The following ZNF714 variants were observed in gnomAD, a reference collection of about 807,000 sequenced individuals.
ZNF714 encodes the protein zinc finger protein 714.
ZNF714 carries 32 observed loss-of-function variants against 46.2 expected under a neutral mutation model. That is an observed-to-expected ratio of 0.69 (90% confidence interval 0.52 to 0.93). The LOEUF (loss-of-function observed/expected upper bound fraction) is 0.93, where lower values mean the gene tolerates loss of function less well. Ranked by LOEUF, ZNF714 falls within the 40% of genes least tolerant of loss-of-function variation. The pLI is 0.00. For synonymous variants in ZNF714, 199 were observed against 213.1 expected (o/e 0.93, Z 0.58); for missense variants, 635 against 646.3 (o/e 0.98, Z 0.19).
chr19:21,097,135 G>T (rs1205930295), intron 2 of ZNF714, among the ~76,000 whole-genome samples: 3 of 152,082 alleles, frequency 2.0e-5, no homozygotes, highest in Non-Finnish European at 4.4e-5. Context: ...CAAAGTGCTG[G>T]GATTACAGGT....
chr19:21,092,526 T>G (rs1177106169), intron 2 of ZNF714, among the ~76,000 whole-genome samples: 4 of 152,142 alleles, frequency 2.6e-5, no homozygotes, highest in Non-Finnish European at 5.9e-5. Context: ...CCACTATCTG[T>G]AAAACAAAAA....
In ZNF714 at chr19:21,099,303, GGGTAGCTGA is replaced by G. The variant is rs1321179421; in HGVS notation, c.142+395_142+403del. Among the ~76,000 whole-genome samples, 3 of 151,878 alleles carry G rather than the reference GGGTAGCTGA, an allele frequency of 2.0e-5. No homozygotes were observed. In the East Asian group the frequency reaches 5.8e-4, roughly 29 times the overall value. ...GACGATTTTCCTGCCTCAGTCTCCT[GGGTAGCTGA>G]GATTACAGGCGCCTGCCACCACACC... On this transcript the variant is annotated intron_variant, in intron 4 of 4. Transcript: ENST00000456283.
chr19:21,103,541 A>G (rs1284420353), intron 4 of ZNF714, among the ~76,000 whole-genome samples: 1 of 152,162 alleles, frequency 6.6e-6, no homozygotes, highest in Non-Finnish European at 1.5e-5. Context: ...TGACAGAGCG[A>G]GATTATGTCT....
intron 4 of ZNF714, chr19:21,113,356 TTTTG>T (rs56718263): frequency 0.85 from 127,558 of 149,414 alleles, 54,953 homozygotes; most frequent in Middle Eastern, 0.94. Context: ...TTTGTTTTGT[TTTTG>T]TTTGTTTGTT....
chr19:21,097,523 G>A (rs1481574959), intron 2 of ZNF714, among the ~76,000 whole-genome samples: 1 of 152,010 alleles, frequency 6.6e-6, no homozygotes, highest in African/African-American at 2.4e-5. Context: ...GTATCTTTAT[G>A]TAGCTAATAA....
Position 21,124,603 on chromosome 19 carries a change from A to C in ZNF714, c.*6271A>C, listed in dbSNP as rs1480151284. 6.6e-6 allele frequency among the ~76,000 whole-genome samples: 1 copy of C among 152,226 alleles called. No homozygotes were observed. Among genetic ancestry groups the C allele is most frequent in the African/African-American group, 2.4e-5 (1 of 41,462 alleles). The stretch of plus-strand genomic sequence containing the variant: ...GTAATTAATACCTCACATAGTTAAC[A>C]TTTTTGTGGTGAGACCACGTCTTAT... On this transcript the variant is annotated 3_prime_UTR_variant, in exon 5 of 5. Transcript: ENST00000456283.
At position 21,116,905 on chromosome 19, in the gene ZNF714, G is replaced by A; in HGVS notation, c.241G>A (p.Glu81Lys). The A allele has an allele frequency of 1.9e-6, 3 of 1,613,912 alleles. No homozygotes were observed. Among genetic ancestry groups the A allele is most frequent in the Non-Finnish European group, 2.5e-6 (3 of 1,179,876 alleles). The change falls in exon 5 of 5, where the codon GAG becomes AAG. Residue 81 changes from glutamate to lysine, a missense_variant. Transcript: ENST00000456283. ...GAGAAGACATGGCAAATGTGAACAT[G>A]AGAATTTACAGTTAAGAAAAGGCTC... Reference protein sequence around the residue: ...ILRRHGKCEHENLQLRKGSAN... With the variant: ...ILRRHGKCEHKNLQLRKGSAN...
At position 21,117,728 on chromosome 19, in the gene ZNF714, A is replaced by G; in HGVS notation, c.1064A>G (p.His355Arg). ...GGCAAAGCCTTTAATGTGTCTTCAC[A>G]CCTTACTACACATAAGATGATTCAT... ...ECGKAFNVSSHLTTHKMIHTG... is the reference protein window; with the variant it reads ...ECGKAFNVSSRLTTHKMIHTG... Residue 355 changes from histidine (H) to arginine (R), a missense_variant, in exon 5 of 5, where the codon CAC (histidine) becomes CGC (arginine). Coordinates refer to ENST00000456283, the MANE Select transcript of ZNF714 (RefSeq NM_182515.4). 1 of 1,611,938 alleles carries G rather than the reference A, an allele frequency of 6.2e-7. No homozygotes were observed. The highest frequency in any genetic ancestry group is 8.5e-7 in the Non-Finnish European group (1 of 1,179,280).
chr19:21,089,756 C>T (rs1284469850), intron 2 of ZNF714, among the ~76,000 whole-genome samples: 1 of 151,742 alleles, frequency 6.6e-6, no homozygotes, highest in Non-Finnish European at 1.5e-5. Context: ...CAGAGTACAA[C>T]AGATTTGTTA....
intron 4 of ZNF714, among the ~76,000 whole-genome samples, chr19:21,099,904 G>T (rs994170967): frequency 6.6e-6 from 1 of 152,142 alleles, no homozygotes; most frequent in South Asian, 2.1e-4. Context: ...CACCCAGGCT[G>T]GAGTGCAGTG....
In ZNF714 at chr19:21,123,262, C is replaced by G. The variant is rs1969737569; in HGVS notation, c.*4930C>G. 1 of 151,524 alleles carries G rather than the reference C, an allele frequency of 6.6e-6. No homozygotes were observed. Among genetic ancestry groups the G allele is most frequent in the Non-Finnish European group, 1.5e-5 (1 of 67,896 alleles). The allele number at this position is 151,524 out of a possible 1,614,324, so 9.4% of individuals were successfully genotyped here. ...AGAAAAATCTTATTAGATTCTTATACAAAGTGTGGCAAATATAAAACTTGC... is the reference window on the plus strand; with the variant it reads ...AGAAAAATCTTATTAGATTCTTATAGAAAGTGTGGCAAATATAAAACTTGC... On this transcript the variant is annotated 3_prime_UTR_variant, in exon 5 of 5. Coordinates refer to ENST00000456283, the MANE Select transcript of ZNF714 (RefSeq NM_182515.4).
chr19:21,116,800 C>A lies in ZNF714; in HGVS notation c.143-7C>A, dbSNP rs1298639067. ...GTTGAATAATTTGTTGTTTGTATTT[C>A]TTTCAGCTATGTGTTCTTCTTTTAC... is the stretch of plus-strand genomic sequence containing the variant. On this transcript the variant is annotated splice_polypyrimidine_tract_variant and splice_region_variant and intron_variant, in intron 4 of 4. Transcript: ENST00000456283. 1.9e-6 allele frequency: 3 copies of A among 1,571,970 alleles called. No homozygotes were observed. The highest frequency in any genetic ancestry group is 1.4e-5 in the African/African-American group (1 of 72,624).
rs959625288 is a variant in ZNF714, at chr19:21,121,164, T to A, written c.*2832T>A. On this transcript the variant is annotated 3_prime_UTR_variant, in exon 5 of 5. Coordinates refer to ENST00000456283, the MANE Select transcript of ZNF714 (RefSeq NM_182515.4). ...TTCCTGCCTCAGCCTCCCAAGCAGC[T>A]AGGACTACAGGCGCCCACCACCATG... 1 of 152,270 alleles carries A rather than the reference T, an allele frequency of 6.6e-6. No homozygotes were observed. Among genetic ancestry groups the A allele is most frequent in the African/African-American group, 2.4e-5 (1 of 41,438 alleles). 9.4% of individuals were successfully genotyped at this position (152,270 alleles called of 1,614,324 possible).
intron 4 of ZNF714, among the ~76,000 whole-genome samples, chr19:21,114,922 A>C (rs534841811): frequency 7.9e-5 from 12 of 151,412 alleles, no homozygotes; most frequent in Non-Finnish European, 1.8e-4. Context: ...TAGTAGTGTT[A>C]TTTTATTGTT....
rs1036667529 is a variant in ZNF714, at chr19:21,115,720, T to G, written c.143-1087T>G. Among the ~76,000 whole-genome samples the G allele has an allele frequency of 1.7e-3, 251 of 152,012 alleles. 2 individuals are homozygous for G. Among genetic ancestry groups the G allele is most frequent in the African/African-American group, 5.7e-3 (238 of 41,554 alleles). ...GTTTTTGAAATTGTGCTTATATATG[T>G]GTTTGTTATAAATATCTTTGTGTGT... On this transcript the variant is annotated intron_variant, in intron 4 of 4. Transcript: ENST00000456283.
rs1951255993 is a variant in ZNF714, at chr19:21,095,540, G to A, written c.-84-2645G>A. ...TGCAGTGGTGTGATCTCAGCTCACT[G>A]CAAGCTCCGTGTCCCGGGTTCACGC... On this transcript the variant is annotated intron_variant, in intron 2 of 4. Transcript: ENST00000456283. Among the ~76,000 whole-genome samples the A allele has an allele frequency of 2.6e-5, 4 of 151,712 alleles. No individual in the cohort carries two copies. The South Asian group carries it at 8.3e-4, about 32-fold the overall frequency.
chr19:21,119,707 A>G lies in ZNF714; in HGVS notation c.*1375A>G, dbSNP rs979921324. On this transcript the variant is annotated 3_prime_UTR_variant, in exon 5 of 5. Coordinates refer to ENST00000456283, the MANE Select transcript of ZNF714 (RefSeq NM_182515.4). ...GTAAAAGTTAAAAAAAATTTAATCC[A>G]TAAGTAAGTCTGTGTAAATATCAGA... 7.2e-5 allele frequency: 11 copies of G among 152,370 alleles called. No individual in the cohort carries two copies. Among genetic ancestry groups the G allele is most frequent in the African/African-American group, 2.4e-4 (10 of 41,592 alleles). The allele number at this position is 152,370 out of a possible 1,614,324, so 9.4% of individuals were successfully genotyped here.
intron 2 of ZNF714, among the ~76,000 whole-genome samples, chr19:21,095,553 C>T (rs868768413): frequency 6.6e-6 from 1 of 151,892 alleles, no homozygotes; most frequent in African/African-American, 2.4e-5. Flanking sequence ...AGCTCCGTGT[C>T]CCGGGTTCAC....
intron 4 of ZNF714, among the ~76,000 whole-genome samples, chr19:21,107,428 G>A (rs1340932353): frequency 1.3e-5 from 2 of 151,972 alleles, no homozygotes; most frequent in East Asian, 3.9e-4. Flanking sequence ...TAGTAGAGAT[G>A]GGGTTTCTCC....
Sources: gnomAD v4.1 joint callset for allele counts (sites outside exome capture counted in the v4.1 genomes callset) on GRCh38, gnomAD v4.1.1 for gene constraint, MANE v1.5 for transcripts, NCBI Gene and HGNC (gene_info 2026-07-23, HGNC 2026-07-21) for gene names.